Variants in MRTFB observed in about 807,000 individuals in gnomAD.
The protein encoded by MRTFB is myocardin related transcription factor B, also known as myocardin-related transcription factor B.
MRTFB carries 29 observed loss-of-function variants against 104.2 expected under a neutral mutation model. That is an observed-to-expected ratio of 0.28 (90% CI 0.21 to 0.38). The LOEUF is 0.38. Ranked by LOEUF, MRTFB falls within the 10% of genes least tolerant of loss-of-function variation. MRTFB has a pLI of 1.00. For missense variants in MRTFB, 1,270 were observed against 1,341.6 expected, an observed-to-expected ratio of 0.95 and a Z score of 0.83; for synonymous variants, 535 against 519.5, an observed-to-expected ratio of 1.03 and a Z score of -0.41.
the MRTFB span, among the ~76,000 whole-genome samples, chr16:14,054,164 C>T: frequency 7.9e-5 from 12 of 152,148 alleles, no homozygotes; most frequent in East Asian, 1.9e-3. Flanking sequence ...TGGGGTTCTC[C>T]TTTTCCCATT....
the MRTFB span, among the ~76,000 whole-genome samples, chr16:14,036,619 AAATATATACATTCCATCATATATATGTT>A: frequency 6.6e-6 from 1 of 151,358 alleles, no homozygotes; most frequent in African/African-American, 2.4e-5. Context: ...ATATATGTTG[AAATATATACATTCCATCATATATATGTT>A]GAAATATATA....
chr16:14,095,349 G>A (rs564987814), intron 2 of MRTFB, among the ~76,000 whole-genome samples: 1 of 152,146 alleles, frequency 6.6e-6, no homozygotes, highest in Admixed American at 6.5e-5. Flanking sequence ...GATGCCCTCT[G>A]TGCTATTAAT....
chr16:14,072,236 T>C (rs1339041026), intron 1 of MRTFB, among the ~76,000 whole-genome samples: 4 of 152,152 alleles, frequency 2.6e-5, no homozygotes, highest in Non-Finnish European at 5.9e-5. Context: ...TAAAGCCCTC[T>C]TTACTACCCT....
intron 13 of MRTFB, among the ~76,000 whole-genome samples, 195 bp downstream of exon 13, chr16:14,249,276 C>T (rs903309640): frequency 6.6e-6 from 1 of 152,188 alleles, no homozygotes; most frequent in South Asian, 2.1e-4. Context: ...GGAGAAAGAC[C>T]TTTTCATTAC....
Position 14,111,815 on chromosome 16 carries a change from A to G in MRTFB, c.-63-28729A>G, listed in dbSNP as rs1185557196. Among the ~76,000 whole-genome samples, 3 of 152,192 alleles carry G rather than the reference A, an allele frequency of 2.0e-5. No individual in the cohort carries two copies. The East Asian group carries it at 5.8e-4, about 29-fold the overall frequency. On this transcript the variant is annotated intron_variant, in intron 2 of 16. Coordinates refer to ENST00000571589, the MANE Select transcript of MRTFB (RefSeq NM_001308142.2). ...CGCCTCTTTCTACCTTTCACCCTCA[A>G]TTGATGGCTTTGCTTCCAAATGCTG...
chr16:14,018,351 T>C, the MRTFB span, among the ~76,000 whole-genome samples: 1 of 152,220 alleles, frequency 6.6e-6, no homozygotes, highest in African/African-American at 2.4e-5. Context: ...TGAGTTCATT[T>C]AGGCAAGGCA....
chr16:14,063,463 CATGGTATCCA>C, the MRTFB span, among the ~76,000 whole-genome samples: 1 of 152,190 alleles, frequency 6.6e-6, no homozygotes, highest in South Asian at 2.1e-4. Context: ...AGGTAATCAG[CATGGTATCCA>C]ATAGGTAGTT....
intron 3 of MRTFB, chr16:14,200,798 T>C: frequency 6.8e-7 from 1 of 1,471,126 alleles, no homozygotes; most frequent in African/African-American, 1.4e-5. Context: ...ACGCTTCTCC[T>C]TCAGAGTAAA....
At chr16:14,052,739 CAAAAAA>C in the MRTFB span, among the ~76,000 whole-genome samples, 357 of 74,794 alleles carry the variant, frequency 4.8e-3, no homozygotes, top group African/African-American at 0.014. Flanking sequence ...AACTCCATCT[CAAAAAA>C]AAAAAAAAAA....
At chr16:14,139,674 C>A (rs954039650) in intron 2 of MRTFB, among the ~76,000 whole-genome samples, 36 of 152,140 alleles carry the variant, frequency 2.4e-4, no homozygotes, top group African/African-American at 8.2e-4. Flanking sequence ...CATATAGATA[C>A]CTGTACGGGA....
chr16:14,125,527 T>C lies in MRTFB; in HGVS notation c.-63-15017T>C, dbSNP rs141305570. 7.2e-5 allele frequency among the ~76,000 whole-genome samples: 11 copies of C among 152,282 alleles called. No homozygotes were observed. In the East Asian group the frequency reaches 2.1e-3, roughly 29 times the overall value. The stretch of plus-strand genomic sequence containing the variant: ...GCCTAGCAGTAGGGATGGGTGAGAG[T>C]GAGCAGACTCTTCTCTAGCAAGCAC... On this transcript the variant is annotated intron_variant, in intron 2 of 16. Coordinates refer to ENST00000571589, the MANE Select transcript of MRTFB (RefSeq NM_001308142.2).
At chr16:14,072,588 G>A (rs1284914377) in intron 1 of MRTFB, among the ~76,000 whole-genome samples, 1 of 152,218 alleles carries the variant, frequency 6.6e-6, no homozygotes, top group East Asian at 1.9e-4. Flanking sequence ...GGGAGGCTGA[G>A]GTGAGGGGAT....
At chr16:14,256,624 A>T (rs947531707) in intron 15 of MRTFB, among the ~76,000 whole-genome samples, 1 of 152,200 alleles carries the variant, frequency 6.6e-6, no homozygotes, top group African/African-American at 2.4e-5. Flanking sequence ...GCCAGCACTA[A>T]CTTGCCAGTC....
rs749838417 is a variant in MRTFB, at chr16:14,200,504, G to T, written c.155-9739G>T. On this transcript the variant is annotated intron_variant, in intron 3 of 16. Transcript: ENST00000571589. ...ATTCTTTCGAGTCAGTGCAATCATC[G>T]TCTGTCTTCTCTGTGAATTGCTCAG... 9 of 1,610,484 alleles carry T rather than the reference G, an allele frequency of 5.6e-6. No homozygotes were observed. The Admixed American group carries it at 1.5e-4, about 27-fold the overall frequency.
At chr16:14,159,816 G>C (rs1334089526) in intron 3 of MRTFB, among the ~76,000 whole-genome samples, 3 of 148,880 alleles carry the variant, frequency 2.0e-5, no homozygotes, top group East Asian at 2.0e-4. Flanking sequence ...TGTAGTCCCA[G>C]CTACTCGGGA....
intron 8 of MRTFB, among the ~76,000 whole-genome samples, chr16:14,231,558 C>G (rs769135469): frequency 1.9e-4 from 29 of 152,248 alleles, no homozygotes; most frequent in Non-Finnish European, 7.4e-5. Context: ...CTCAAGTAGG[C>G]CCCAGTGTGT....
At position 14,247,408 on chromosome 16, in the gene MRTFB, T is replaced by C. The variant is rs2043067706; in HGVS notation, c.2148T>C (p.Ala716=). ...PPPAVVAQPQ[A]LLTTQTAQLL... ...CTGCTGTTGTTGCTCAGCCCCAGGCTTTACTGACCACGCAGACTGCTCAGC... is the reference window on the plus strand; with the variant it reads ...CTGCTGTTGTTGCTCAGCCCCAGGCCTTACTGACCACGCAGACTGCTCAGC... The change falls in exon 12 of 17, where the codon GCT becomes GCC. Residue 716 remains alanine, a synonymous_variant. Transcript: ENST00000571589. The C allele has an allele frequency of 1.4e-5, 22 of 1,612,872 alleles. No individual in the cohort carries two copies. Among genetic ancestry groups the C allele is most frequent in the Non-Finnish European group, 1.9e-5 (22 of 1,180,022 alleles).
intron 3 of MRTFB, chr16:14,144,914 A>C (rs2038217936): frequency 6.7e-6 from 1 of 149,624 alleles, no homozygotes. Context: ...GCACCACTGC[A>C]CTCCATCCTG....
the MRTFB span, among the ~76,000 whole-genome samples, chr16:14,017,711 A>AT: frequency 8.9e-4 from 30 of 33,596 alleles, 4 homozygotes; most frequent in African/African-American, 3.7e-3. Flanking sequence ...ATATATATAT[A>AT]TTTTTTTTTT....
Sources: gnomAD v4.1 joint callset for allele counts (sites outside exome capture counted in the v4.1 genomes callset) on GRCh38, gnomAD v4.1.1 for gene constraint, MANE v1.5 for transcripts, NCBI Gene and HGNC (gene_info 2026-07-23, HGNC 2026-07-21) for gene names.